Variants in TMX3 observed in about 807,000 individuals in gnomAD.
The protein encoded by TMX3 is protein disulfide-isomerase TMX3.
TMX3 carries 40 observed loss-of-function variants against 64.4 expected under a neutral mutation model. The ratio of observed to expected loss-of-function variants is 0.62; its 90% CI spans 0.48 to 0.81. The LOEUF is 0.81. Among genes scored for constraint, TMX3 ranks in the 30% least tolerant of loss-of-function variants. The pLI is 0.00. For synonymous variants in TMX3, 189 were observed against 175.7 expected, an observed-to-expected ratio of 1.08 and a Z score of -0.60; for missense variants, 497 against 534.5, an observed-to-expected ratio of 0.93 and a Z score of 0.69.
intron 4 of TMX3, among the ~76,000 whole-genome samples, chr18:68,706,909 C>T (rs2030731383): frequency 6.6e-6 from 1 of 152,208 alleles, no homozygotes; most frequent in African/African-American, 2.4e-5. Context: ...ACACATAACA[C>T]ATTCCCTTGG....
Position 68,676,904 on chromosome 18 carries a change from C to T in TMX3, c.*29G>A, listed in dbSNP as rs777290833. On this transcript the variant is annotated 3_prime_UTR_variant, in exon 16 of 16. Transcript: ENST00000299608. ...AATAGACTCTTTAATAATTTGAAGT[C>T]CTAACAAATATTTTATAGTCATCAA... is the stretch of plus-strand genomic sequence containing the variant. 3 of 1,590,322 alleles carry T rather than the reference C, an allele frequency of 1.9e-6. No individual in the cohort carries two copies. The highest frequency in any genetic ancestry group is 2.6e-6 in the Non-Finnish European group (3 of 1,170,348).
rs1303724146 is a variant in TMX3, at chr18:68,698,078, T to C, written c.393-47A>G. ...AACAAACTTGAATTATAAACTAAAG[T>C]ACATAATTTACTATTTATACTATAA... On this transcript the variant is annotated intron_variant, in intron 6 of 15. Coordinates refer to ENST00000299608, the MANE Select transcript of TMX3 (RefSeq NM_019022.5). The C allele has an allele frequency of 1.5e-5, 19 of 1,231,840 alleles. 1 individual carries two copies. The South Asian group carries it at 2.2e-4, about 14-fold the overall frequency. 76.3% of individuals were successfully genotyped at this position (1,231,840 alleles called of 1,614,324 possible). A position where few individuals can be genotyped will look rare whatever the true frequency, so the allele number is the denominator to read the frequency against.
intron 2 of TMX3, among the ~76,000 whole-genome samples, chr18:68,712,926 A>G (rs309252): frequency 0.059 from 8,998 of 151,670 alleles, 830 homozygotes; most frequent in African/African-American, 0.2. Context: ...CCAGGTAGTC[A>G]ATCAGGACAA....
At chr18:68,696,134 C>A (rs1306941690) in intron 8 of TMX3, among the ~76,000 whole-genome samples, 2 of 152,142 alleles carry the variant, frequency 1.3e-5, no homozygotes, top group African/African-American at 2.4e-5. Context: ...CTCCTATTTG[C>A]CCCAACTATT....
chr18:68,697,543 C>T, intron 7 of TMX3: 1 of 362,664 alleles, frequency 2.8e-6, no homozygotes, highest in Non-Finnish European at 4.9e-6. Flanking sequence ...AACACAAGTT[C>T]AATTTGTATG....
chr18:68,679,435 A>G, intron 15 of TMX3, 28 bp downstream of exon 15: 1 of 1,574,820 alleles, frequency 6.3e-7, no homozygotes, highest in Non-Finnish European at 8.7e-7. Context: ...CTTCTTCATT[A>G]TCAATGACAT....
chr18:68,709,926 G>T, intron 4 of TMX3, 95 bp downstream of exon 4: 2 of 1,218,082 alleles, frequency 1.6e-6, no homozygotes, highest in South Asian at 1.9e-5. Context: ...AATTTTACAT[G>T]AGCAAAAAAA....
chr18:68,695,631 C>T (rs1914985966), intron 8 of TMX3, among the ~76,000 whole-genome samples: 1 of 152,188 alleles, frequency 6.6e-6, no homozygotes, highest in Non-Finnish European at 1.5e-5. Context: ...CATCCCTATT[C>T]TTCCATATCA....
chr18:68,696,877 A>AACAC lies in TMX3; in HGVS notation c.570+345_570+348dup, dbSNP rs35563490. 540 of 168,100 alleles carry AACAC rather than the reference A, an allele frequency of 3.2e-3. 2 individuals are homozygous for AACAC. The highest frequency in any genetic ancestry group is 0.017 in the East Asian group (97 of 5,650). 10.4% of individuals were successfully genotyped at this position (168,100 alleles called of 1,614,324 possible). The stretch of plus-strand genomic sequence containing the variant: ...AGGACCCAAAAAAGACTGTATCTGC[A>AACAC]ACACACACACACACACACACACATA... On this transcript the variant is annotated intron_variant, in intron 8 of 15. Coordinates refer to ENST00000299608, the MANE Select transcript of TMX3 (RefSeq NM_019022.5).
At position 68,700,489 on chromosome 18, in the gene TMX3, TAAAA is replaced by T; in HGVS notation, c.312-8_312-5del. 1 of 1,169,048 alleles carries T rather than the reference TAAAA, an allele frequency of 8.6e-7. No individual in the cohort carries two copies. The highest frequency in any genetic ancestry group is 1.2e-6 in the Non-Finnish European group (1 of 862,616). The allele number at this position is 1,169,048 out of a possible 1,614,324, so 72.4% of individuals were successfully genotyped here. On this transcript the variant is annotated splice_region_variant and splice_polypyrimidine_tract_variant and intron_variant, in intron 5 of 15. Coordinates refer to ENST00000299608, the MANE Select transcript of TMX3 (RefSeq NM_019022.5). ...ATATGCCAAGTCCCCTTTTAATCTT[TAAAA>T]AAAAAAAAAAATTAAAACCTGGATT...
rs1568176232 is a variant in TMX3, at chr18:68,676,684, T to C, written c.*249A>G. 8.3e-6 allele frequency: 4 copies of C among 483,534 alleles called. No individual in the cohort carries two copies. The highest frequency in any genetic ancestry group is 7.0e-5 in the East Asian group (2 of 28,684). The allele number at this position is 483,534 out of a possible 1,614,324, so 30.0% of individuals were successfully genotyped here. On this transcript the variant is annotated 3_prime_UTR_variant, in exon 16 of 16. Coordinates refer to ENST00000299608, the MANE Select transcript of TMX3 (RefSeq NM_019022.5). The stretch of plus-strand genomic sequence containing the variant: ...TAGAGAAACATGCAAATAGAATTGT[T>C]CTGTTCTAATCACAAAGATCAGGTA...
chr18:68,713,796 C>A (rs1032266896), intron 2 of TMX3, 50 bp downstream of exon 2: 2 of 913,332 alleles, frequency 2.2e-6, no homozygotes, highest in Non-Finnish European at 3.1e-6. Flanking sequence ...ATTCAGATAT[C>A]TGAGTTGGAC....
chr18:68,713,637 A>G (rs2031538261), intron 2 of TMX3, among the ~76,000 whole-genome samples: 2 of 152,212 alleles, frequency 1.3e-5, no homozygotes, highest in Admixed American at 1.3e-4. Context: ...GAAAAAAAGA[A>G]TATGTAAAAG....
Position 68,698,037 on chromosome 18 carries a change from G to T in TMX3, c.393-6C>A, listed in dbSNP as rs773269159. ...GAAGTGGCCGAATTAGAGCCCTGTTGCACAACAAAACAAAAAACAAACTTG... is the reference window on the plus strand; with the variant it reads ...GAAGTGGCCGAATTAGAGCCCTGTTTCACAACAAAACAAAAAACAAACTTG... On this transcript the variant is annotated splice_polypyrimidine_tract_variant and splice_region_variant and intron_variant, in intron 6 of 15. Transcript: ENST00000299608. 28 of 1,601,716 alleles carry T rather than the reference G, an allele frequency of 1.7e-5. No homozygotes were observed. Among genetic ancestry groups the T allele is most frequent in the Admixed American group, 1.7e-4 (10 of 59,324 alleles).
At chr18:68,704,431 A>G (rs1362619540) in intron 4 of TMX3, among the ~76,000 whole-genome samples, 2 of 152,216 alleles carry the variant, frequency 1.3e-5, no homozygotes, top group Non-Finnish European at 2.9e-5. Flanking sequence ...GGTAATTCAG[A>G]TAAAGAAACT....
rs1204475070 is a variant in TMX3, at chr18:68,713,870, C to T, written c.77G>A (p.Gly26Glu). The change falls in exon 2 of 16, where the codon GGA becomes GAA. Residue 26 changes from glycine to glutamate, a missense_variant. Gly to Glu is a moderately conservative substitution (Grantham distance 98). Transcript: ENST00000299608. Reference protein sequence around the residue: ...VVVLDMVVCKGFVEDLDESFK... With the variant: ...VVVLDMVVCKEFVEDLDESFK... The stretch of plus-strand genomic sequence containing the variant: ...CGATTCATCTAAATCTTCTACAAAT[C>T]CTTTACAGACGACCATATCAAGTAC... The T allele has an allele frequency of 3.8e-6, 6 of 1,575,344 alleles. No individual in the cohort carries two copies. In the African/African-American group the frequency reaches 6.8e-5, roughly 18 times the overall value.
intron 10 of TMX3, among the ~76,000 whole-genome samples, chr18:68,684,690 TC>T (rs1257890872): frequency 6.6e-6 from 1 of 152,186 alleles, no homozygotes; most frequent in Non-Finnish European, 1.5e-5. Context: ...AGTGACAAAT[TC>T]CCTTCCACGT....
intron 4 of TMX3, among the ~76,000 whole-genome samples, chr18:68,704,378 G>A (rs1189509552): frequency 6.6e-6 from 1 of 151,916 alleles, no homozygotes; most frequent in Non-Finnish European, 1.5e-5. Flanking sequence ...GGAAGATTCG[G>A]TAACTCGTTT....
intron 4 of TMX3, 138 bp downstream of exon 4, chr18:68,709,882 TA>T: frequency 1.4e-6 from 1 of 697,218 alleles, no homozygotes; most frequent in Non-Finnish European, 2.1e-6. Flanking sequence ...ATTTAACTCA[TA>T]AAGTATACAG....
Sources: gnomAD v4.1 joint callset for allele counts (sites outside exome capture counted in the v4.1 genomes callset) on GRCh38, gnomAD v4.1.1 for gene constraint, MANE v1.5 for transcripts, NCBI Gene and HGNC (gene_info 2026-07-23, HGNC 2026-07-21) for gene names.